POU3F3: variants seen among roughly 807,000 people sequenced by gnomAD.
The protein encoded by POU3F3 is POU class 3 homeobox 3.
Under a neutral mutation model 8.6 loss-of-function variants are expected in POU3F3, and 1 was observed. The observed-to-expected ratio is 0.12, with a 90% CI of 0.04 to 0.55. POU3F3 has a LOEUF of 0.55. POU3F3 is among the 20% of genes least tolerant of loss of function. The pLI is 0.91. For missense variants in POU3F3, 577 were observed against 690.7 expected, an observed-to-expected ratio of 0.84 and a Z score of 1.84; for synonymous variants, 418 against 327.4, an observed-to-expected ratio of 1.28 and a Z score of -2.99.
chr2:104,885,859 G>A, the POU3F3 span, among the ~76,000 whole-genome samples: 7 of 151,980 alleles, frequency 4.6e-5, 1 homozygote, highest in Middle Eastern at 3.4e-3. Context: ...GTGTGATGGC[G>A]TAATCTCGGC....
the POU3F3 span, among the ~76,000 whole-genome samples, chr2:104,864,295 C>G: frequency 1.3e-5 from 2 of 152,208 alleles, no homozygotes; most frequent in Non-Finnish European, 2.9e-5. Flanking sequence ...GATCCCGGGA[C>G]AAAGGCGAAA....
At chr2:104,899,360 T>TA in the POU3F3 span, among the ~76,000 whole-genome samples, 2 of 152,154 alleles carry the variant, frequency 1.3e-5, no homozygotes, top group African/African-American at 2.4e-5. Flanking sequence ...GCAGAGAAAC[T>TA]AAAAAGAGAC....
chr2:104,892,635 TTA>T, the POU3F3 span, among the ~76,000 whole-genome samples: 1 of 150,164 alleles, frequency 6.7e-6, no homozygotes, highest in African/African-American at 2.5e-5. Context: ...CTGGCTGATT[TTA>T]TATATATATA....
the POU3F3 span, among the ~76,000 whole-genome samples, chr2:104,909,667 C>T: frequency 9.7e-4 from 148 of 152,370 alleles, 1 homozygote; most frequent in South Asian, 0.016. Context: ...CCCACAGCCA[C>T]AGTCAACTCC....
Position 104,855,687 on chromosome 2 carries a change from C to T in POU3F3, c.177C>T (p.Thr59=), listed in dbSNP as rs1259405521. Reference sequence around the variant, plus strand: ...TGCAGCCGGGCAGCGCCGCCGTGACCTCGGGCGCCTACCGGGGGGACCCGT... The same window carrying T: ...TGCAGCCGGGCAGCGCCGCCGTGACTTCGGGCGCCTACCGGGGGGACCCGT... ...GGMQPGSAAV[T]SGAYRGDPSS... Residue 59 remains threonine, a synonymous_variant, in exon 1 of 1, where the codon ACC becomes ACT. Coordinates refer to ENST00000361360, the MANE Select transcript of POU3F3 (RefSeq NM_006236.3). 4.0e-5 allele frequency: 48 copies of T among 1,195,686 alleles called. No homozygotes were observed. Among genetic ancestry groups the T allele is most frequent in the Non-Finnish European group, 4.2e-5 (40 of 945,506 alleles). 74.1% of individuals were successfully genotyped at this position (1,195,686 alleles called of 1,614,324 possible).
At chr2:104,900,874 G>A in the POU3F3 span, among the ~76,000 whole-genome samples, 259 of 152,300 alleles carry the variant, frequency 1.7e-3, no homozygotes, top group Non-Finnish European at 2.8e-4. Context: ...ACTGAAAAAT[G>A]GGCTCGGATG....
At chr2:104,914,805 A>G in the POU3F3 span, among the ~76,000 whole-genome samples, 2 of 152,150 alleles carry the variant, frequency 1.3e-5, no homozygotes, top group South Asian at 4.1e-4. Flanking sequence ...CCGCAAGGAG[A>G]AGATCTGACC....
chr2:104,873,476 G>T, the POU3F3 span, among the ~76,000 whole-genome samples: 1 of 152,144 alleles, frequency 6.6e-6, no homozygotes, highest in Admixed American at 6.5e-5. Flanking sequence ...CCGCGACGGG[G>T]CCACGCGTAG....
chr2:104,911,314 T>C, the POU3F3 span, among the ~76,000 whole-genome samples: 1 of 149,738 alleles, frequency 6.7e-6, no homozygotes, highest in African/African-American at 2.5e-5. Flanking sequence ...CTAGGGAGGC[T>C]GAGGCAGACA....
At chr2:104,926,458 G>A in the POU3F3 span, among the ~76,000 whole-genome samples, 1 of 152,168 alleles carries the variant, frequency 6.6e-6, no homozygotes, top group African/African-American at 2.4e-5. Context: ...AGAAACAACA[G>A]CTGCTTTAGA....
At chr2:104,893,815 G>A in the POU3F3 span, among the ~76,000 whole-genome samples, 4 of 151,402 alleles carry the variant, frequency 2.6e-5, no homozygotes, top group East Asian at 1.9e-4. Context: ...CCCTGGAGGC[G>A]GAGGTTGCAG....
chr2:104,926,897 G>A, the POU3F3 span, among the ~76,000 whole-genome samples: 1 of 152,098 alleles, frequency 6.6e-6, no homozygotes, highest in African/African-American at 2.4e-5. Context: ...GTTGAACAAT[G>A]AGAACACATG....
In POU3F3 at chr2:104,855,034, G is replaced by A. The variant is rs1298568033; in HGVS notation, c.-477G>A. On this transcript the variant is annotated 5_prime_UTR_variant, in exon 1 of 1. Coordinates refer to ENST00000361360, the MANE Select transcript of POU3F3 (RefSeq NM_006236.3). ...CTCGCCCGAGGACAGGAGGAGGAGC[G>A]GGAGCCCGCGCGTCCCGGGAGAGCG... Among the ~76,000 whole-genome samples, 1 of 152,072 alleles carries A rather than the reference G, an allele frequency of 6.6e-6. No homozygotes were observed. The highest frequency in any genetic ancestry group is 1.5e-5 in the Non-Finnish European group (1 of 67,976).
chr2:104,888,003 C>T, the POU3F3 span, among the ~76,000 whole-genome samples: 1 of 152,220 alleles, frequency 6.6e-6, no homozygotes, highest in East Asian at 1.9e-4. Flanking sequence ...AAATGCTATA[C>T]AGCACGTGCT....
the POU3F3 span, among the ~76,000 whole-genome samples, chr2:104,891,701 G>A: frequency 6.6e-6 from 1 of 152,214 alleles, no homozygotes; most frequent in Non-Finnish European, 1.5e-5. Flanking sequence ...TTCCATCACG[G>A]AATTTCTGTT....
chr2:104,868,155 C>T, the POU3F3 span: 187 of 427,968 alleles, frequency 4.4e-4, 2 homozygotes, highest in South Asian at 3.0e-3. Flanking sequence ...ACCCCCACAC[C>T]CCCATGGGGT....
In POU3F3 at chr2:104,856,935, C is replaced by T; in HGVS notation, c.1425C>T (p.Asp475=). The T allele has an allele frequency of 6.2e-7, 1 of 1,613,382 alleles. No individual in the cohort carries two copies. ...TPPGIQQQTP[D]DVYSQVGTVS... ...CCGGGATCCAACAGCAGACGCCCGA[C>T]GACGTCTACTCGCAGGTGGGCACCG... Residue 475 remains aspartate (D), a synonymous_variant, in exon 1 of 1, where the codon GAC becomes GAT. Coordinates refer to ENST00000361360, the MANE Select transcript of POU3F3 (RefSeq NM_006236.3).
At chr2:104,898,242 T>C in the POU3F3 span, among the ~76,000 whole-genome samples, 1 of 152,206 alleles carries the variant, frequency 6.6e-6, no homozygotes, top group African/African-American at 2.4e-5. Flanking sequence ...GCCATGCTGG[T>C]CCTCTGATTT....
downstream of POU3F3, chr2:104,858,600 T>C: frequency 6.6e-6 from 1 of 152,178 alleles, no homozygotes; most frequent in Non-Finnish European, 1.5e-5. Flanking sequence ...GCGTAAACAC[T>C]GTGTGGGAAG....
Sources: gnomAD v4.1 joint callset for allele counts (sites outside exome capture counted in the v4.1 genomes callset) on GRCh38, gnomAD v4.1.1 for gene constraint, MANE v1.5 for transcripts, NCBI Gene and HGNC (gene_info 2026-07-23, HGNC 2026-07-21) for gene names.